KIRREL3: variants seen among roughly 807,000 people sequenced by gnomAD.
The protein encoded by KIRREL3 is kin of IRRE-like protein 3.
KIRREL3 carries 36 observed loss-of-function variants against 89.7 expected under a neutral mutation model. The observed-to-expected ratio is 0.40, with a 90% confidence interval of 0.31 to 0.53. The LOEUF is 0.53. Ranked by LOEUF, KIRREL3 falls within the 20% of genes least tolerant of loss-of-function variation. The pLI is 0.49. For synonymous variants in KIRREL3, 445 were observed against 441.4 expected (o/e 1.01, Z -0.10); for missense variants, 864 against 1,056.6 (o/e 0.82, Z 2.53).
At position 127,000,661 on chromosome 11, in the gene KIRREL3, C is replaced by T; in HGVS notation, c.-152G>A. ...GGGTCCCTCCGGGTGGCTTCGGTCT[C>T]TTTGTGCCTCTGGGTATCTGCAGCC... On this transcript the variant is annotated 5_prime_UTR_variant, in exon 1 of 17. Transcript: ENST00000525144. This position sits in a 1 kb window ranked among gnomAD's most constrained non-coding sequence, Gnocchi z 7.1. The T allele has an allele frequency of 1.5e-6, 1 of 645,868 alleles. No individual in the cohort carries two copies. Among genetic ancestry groups the T allele is most frequent in the East Asian group, 3.0e-5 (1 of 33,418 alleles). The allele number at this position is 645,868 out of a possible 1,614,324, so 40.0% of individuals were successfully genotyped here. A position where few individuals can be genotyped will look rare whatever the true frequency, so the allele number is the denominator to read the frequency against.
rs982165878 is a variant in KIRREL3 at position 126,620,962 on chromosome 11, C to T, written c.56-58050G>A. Among the ~76,000 whole-genome samples the T allele has an allele frequency of 5.3e-5, 8 of 152,156 alleles. No individual in the cohort carries two copies. The highest frequency in any genetic ancestry group is 1.9e-4 in the African/African-American group (8 of 41,450). On this transcript the variant is annotated intron_variant, in intron 1 of 16. Coordinates refer to ENST00000525144, the MANE Select transcript of KIRREL3 (RefSeq NM_032531.4). The surrounding 1 kb of genome is among the most constrained non-coding windows in gnomAD (Gnocchi z 4.8). ...AGGTCTTTGGAACTGACCTGTGTGC[C>T]TGACTTGCAGACTTCTTAAGAGCAG...
At chr11:126,600,375 C>A (rs1942599750) in intron 1 of KIRREL3, among the ~76,000 whole-genome samples, 1 of 152,200 alleles carries the variant, frequency 6.6e-6, no homozygotes, top group African/African-American at 2.4e-5. Flanking sequence ...AGATTCTTGA[C>A]CCACATATAT....
At chr11:126,602,702 C>A (rs1187223378) in intron 1 of KIRREL3, among the ~76,000 whole-genome samples, 1 of 152,208 alleles carries the variant, frequency 6.6e-6, no homozygotes, top group Non-Finnish European at 1.5e-5. Flanking sequence ...ATCACCTGGG[C>A]CAGGCTTCCA....
intron 1 of KIRREL3, among the ~76,000 whole-genome samples, chr11:126,630,475 C>G (rs78845220): frequency 0.026 from 3,993 of 152,278 alleles, 158 homozygotes; most frequent in African/African-American, 0.086. Flanking sequence ...GCTATTTGTT[C>G]ACTATGAAGA....
rs1008866913 is a variant in KIRREL3, at chr11:126,805,546, T to C, written c.55+194909A>G. Among the ~76,000 whole-genome samples the C allele has an allele frequency of 6.6e-6, 1 of 152,208 alleles. No individual in the cohort carries two copies. Among genetic ancestry groups the C allele is most frequent in the Non-Finnish European group, 1.5e-5 (1 of 68,040 alleles). On this transcript the variant is annotated intron_variant, in intron 1 of 16. Transcript: ENST00000525144. The surrounding 1 kb of genome is among the most constrained non-coding windows in gnomAD (Gnocchi z 4.3). ...GAAACCTTGAGCTGATTGCAGACTG[T>C]CTCTAGGTTGTCATCCATTAATTAA...
rs1487492074 is a variant in KIRREL3 at position 126,643,861 on chromosome 11, C to A, written c.56-80949G>T. On this transcript the variant is annotated intron_variant, in intron 1 of 16. Transcript: ENST00000525144. This position sits in a 1 kb window ranked among gnomAD's most constrained non-coding sequence, Gnocchi z 4.5. ...GAGGGGAGGAAGAGCAAAGCTGACCCTGAGCATTTAGGGAGAAAGAATTGA... is the reference window on the plus strand; with the variant it reads ...GAGGGGAGGAAGAGCAAAGCTGACCATGAGCATTTAGGGAGAAAGAATTGA... Among the ~76,000 whole-genome samples the A allele has an allele frequency of 6.6e-6, 1 of 152,182 alleles. No individual in the cohort carries two copies. The highest frequency in any genetic ancestry group is 1.9e-4 in the East Asian group (1 of 5,200).
At chr11:126,833,947 G>A (rs1300285674) in intron 1 of KIRREL3, among the ~76,000 whole-genome samples, 1 of 152,176 alleles carries the variant, frequency 6.6e-6, no homozygotes, top group Non-Finnish European at 1.5e-5. Context: ...TTCAGCCTTT[G>A]GAGTTGACCA....
Position 126,708,534 on chromosome 11 carries a change from A to G in KIRREL3, c.56-145622T>C, listed in dbSNP as rs1477324264. Among the ~76,000 whole-genome samples, 1 of 152,168 alleles carries G rather than the reference A, an allele frequency of 6.6e-6. No homozygotes were observed. Among genetic ancestry groups the G allele is most frequent in the East Asian group, 1.9e-4 (1 of 5,190 alleles). On this transcript the variant is annotated intron_variant, in intron 1 of 16. Coordinates refer to ENST00000525144, the MANE Select transcript of KIRREL3 (RefSeq NM_032531.4). The surrounding 1 kb of genome is among the most constrained non-coding windows in gnomAD (Gnocchi z 5.7). ...ACCAGGAGTCATCACCATCAGTAAC[A>G]GTAACAACAGCTTCATTAACAAGTT...
chr11:126,521,302 A>C lies in KIRREL3; in HGVS notation c.433+13T>G. ...CACGCAGTGTCCCAGCCCCGTGTGC[A>C]GATGGTTCTTACCCAGGACTGTGAG... is the stretch of plus-strand genomic sequence containing the variant. On this transcript the variant is annotated intron_variant, in intron 4 of 16. Coordinates refer to ENST00000525144, the MANE Select transcript of KIRREL3 (RefSeq NM_032531.4). The surrounding 1 kb of genome is among the most constrained non-coding windows in gnomAD (Gnocchi z 4.1). 1.3e-6 allele frequency: 2 copies of C among 1,529,472 alleles called. No individual in the cohort carries two copies. The highest frequency in any genetic ancestry group is 8.8e-7 in the Non-Finnish European group (1 of 1,132,696). 94.7% of individuals were successfully genotyped at this position (1,529,472 alleles called of 1,614,324 possible). A position where few individuals can be genotyped will look rare whatever the true frequency, so the allele number is the denominator to read the frequency against.
intron 1 of KIRREL3, among the ~76,000 whole-genome samples, chr11:126,852,417 C>T (rs1944375583): frequency 6.6e-6 from 1 of 152,188 alleles, no homozygotes; most frequent in Non-Finnish European, 1.5e-5. Flanking sequence ...ATCATCTAAT[C>T]TCTCTTAAGC....
intron 1 of KIRREL3, among the ~76,000 whole-genome samples, chr11:126,894,368 G>A (rs1161076835): frequency 6.6e-6 from 1 of 151,842 alleles, no homozygotes; most frequent in Non-Finnish European, 1.5e-5. Flanking sequence ...AGCCCAGGCT[G>A]GGGAGTCCAC....
rs1949930595 is a variant in KIRREL3, at chr11:126,768,877, G to T, written c.56-205965C>A. Among the ~76,000 whole-genome samples, 2 of 152,228 alleles carry T rather than the reference G, an allele frequency of 1.3e-5. No individual in the cohort carries two copies. Among genetic ancestry groups the T allele is most frequent in the Admixed American group, 1.3e-4 (2 of 15,284 alleles). On this transcript the variant is annotated intron_variant, in intron 1 of 16. Transcript: ENST00000525144. The surrounding 1 kb of genome is among the most constrained non-coding windows in gnomAD (Gnocchi z 4.5). The stretch of plus-strand genomic sequence containing the variant: ...AGCTCCATGGAGCACGAGAGCCATG[G>T]CAAGAAGGCGATGTTGCTTCCCACA...
intron 2 of KIRREL3, among the ~76,000 whole-genome samples, chr11:126,533,805 C>T (rs146509388): frequency 1.2e-4 from 19 of 152,294 alleles, no homozygotes; most frequent in African/African-American, 3.6e-4. Flanking sequence ...ACAATAATAC[C>T]ACCACCTTGT....
rs563804562 is a variant in KIRREL3, at chr11:126,896,115, T to A, written c.55+104340A>T. 6.6e-6 allele frequency among the ~76,000 whole-genome samples: 1 copy of A among 152,262 alleles called. No homozygotes were observed. The highest frequency in any genetic ancestry group is 2.4e-5 in the African/African-American group (1 of 41,468). ...AAGTAGTTTTTTCTATTCTTGTTTA[T>A]CCCTGAAGAGCACATGTATAGCTTA... On this transcript the variant is annotated intron_variant, in intron 1 of 16. Transcript: ENST00000525144. The surrounding 1 kb of genome is among the most constrained non-coding windows in gnomAD (Gnocchi z 4.1).
intron 1 of KIRREL3, among the ~76,000 whole-genome samples, chr11:126,699,370 C>A (rs553812991): frequency 1.3e-5 from 2 of 152,304 alleles, no homozygotes; most frequent in East Asian, 3.9e-4. Flanking sequence ...AGTGTTCCCA[C>A]AAGGTGCAGT....
rs959493288 is a variant in KIRREL3, at chr11:126,463,524, G to A, written c.592-217C>T. On this transcript the variant is annotated intron_variant, in intron 5 of 16. Transcript: ENST00000525144. This position sits in a 1 kb window ranked among gnomAD's most constrained non-coding sequence, Gnocchi z 5.9. ...AAGTGCTGGGCTGTGGAAGGAAAAA[G>A]GAACTAGACAGTTTTCCACCATGTG... is the stretch of plus-strand genomic sequence containing the variant. Among the ~76,000 whole-genome samples the A allele has an allele frequency of 6.6e-6, 1 of 152,228 alleles. No homozygotes were observed. The highest frequency in any genetic ancestry group is 2.4e-5 in the African/African-American group (1 of 41,454).
At chr11:126,938,289 C>T (rs1177303241) in intron 1 of KIRREL3, among the ~76,000 whole-genome samples, 1 of 152,236 alleles carries the variant, frequency 6.6e-6, no homozygotes, top group Non-Finnish European at 1.5e-5. Context: ...ATAACAGCCA[C>T]AACCACAAAA....
At chr11:126,836,181 C>T (rs1943774901) in intron 1 of KIRREL3, among the ~76,000 whole-genome samples, 2 of 152,210 alleles carry the variant, frequency 1.3e-5, no homozygotes, top group South Asian at 4.1e-4. Context: ...TCTGTGAGTA[C>T]TTCTCAAAAA....
intron 1 of KIRREL3, among the ~76,000 whole-genome samples, chr11:126,864,538 T>G (rs1043771062): frequency 6.6e-6 from 1 of 152,174 alleles, no homozygotes; most frequent in African/African-American, 2.4e-5. Context: ...GCAGCAAATA[T>G]AAGACTTGGG....
Sources: allele counts gnomAD v4.1 joint callset (sites outside exome capture counted in the v4.1 genomes callset), GRCh38; gene constraint gnomAD v4.1.1; non-coding constraint Gnocchi (gnomAD v3.1); transcripts MANE v1.5; gene names NCBI Gene and HGNC (gene_info 2026-07-23, HGNC 2026-07-21).